Variants in MICAL1 observed in about 807,000 individuals in gnomAD.
The protein encoded by MICAL1 is [F-actin]-monooxygenase MICAL1.
In MICAL1, 95 loss-of-function variants were observed where a neutral mutation model predicts 131.8. The ratio of observed to expected loss-of-function variants is 0.72; its 90% CI spans 0.61 to 0.86. The LOEUF (loss-of-function observed/expected upper bound fraction) is 0.86, where lower values mean the gene tolerates loss of function less well. Ranked by LOEUF, MICAL1 falls within the 40% of genes least tolerant of loss-of-function variation. MICAL1 has a pLI of 0.00. For missense variants in MICAL1, 1,292 were observed against 1,380.6 expected (o/e 0.94, Z 1.02); for synonymous variants, 546 against 554.2 (o/e 0.99, Z 0.21).
intron 1 of MICAL1, among the ~76,000 whole-genome samples, 185 bp from the exon 2 acceptor site, chr6:109,454,424 A>C (rs1243154722): frequency 6.6e-6 from 1 of 152,146 alleles, no homozygotes; most frequent in Non-Finnish European, 1.5e-5. Context: ...AGTCCACTCC[A>C]AGTGAAATTT....
intron 24 of MICAL1, 51 bp downstream of exon 24, chr6:109,444,674 T>C: frequency 6.3e-7 from 1 of 1,595,202 alleles, no homozygotes. Context: ...ATCATGAGGC[T>C]TGCATGACAC....
At chr6:109,447,327 C>G in intron 16 of MICAL1, 30 bp downstream of exon 16, 1 of 1,613,584 alleles carries the variant, frequency 6.2e-7, no homozygotes, top group African/African-American at 1.3e-5. Context: ...CTCCCCGGGC[C>G]TCTGCCTGCA....
At chr6:109,455,822 G>C (rs1009841999), upstream of MICAL1, 3 of 985,328 alleles carry the variant, frequency 3.0e-6, no homozygotes, top group African/African-American at 1.7e-5. This position sits in a 1 kb window ranked among gnomAD's most constrained non-coding sequence, Gnocchi z 4.7. Context: ...CGCCGAGATC[G>C]GGCGGGGATG....
chr6:109,447,388 A>G lies in MICAL1; in HGVS notation c.2039T>C (p.Val680Ala). ...GTGTTGGGATGGGGGTGTCAGGGGTACACCAGGCTCTGGGTCAGGTGGCAC... is the reference window on the plus strand; with the variant it reads ...GTGTTGGGATGGGGGTGTCAGGGGTGCACCAGGCTCTGGGTCAGGTGGCAC... ...TEVPPDPEPG[V>A]PLTPPSQHQE... Residue 680 changes from valine to alanine, a missense_variant, in exon 16 of 25, where the codon GTA becomes GCA. Physicochemically the swap from Val to Ala is moderately conservative, Grantham distance 64. Transcript: ENST00000358807. 6.2e-7 allele frequency: 1 copy of G among 1,613,236 alleles called. No homozygotes were observed. Among genetic ancestry groups the G allele is most frequent in the Non-Finnish European group, 8.5e-7 (1 of 1,179,836 alleles).
chr6:109,444,660 T>G, intron 24 of MICAL1, 65 bp downstream of exon 24: 301 of 1,529,526 alleles, frequency 2.0e-4, no homozygotes, highest in Non-Finnish European at 2.4e-4. Context: ...GGTCAGTATC[T>G]GAGATCATGA....
chr6:109,464,476 T>A (rs981570724), intron 1 of MICAL1: 4 of 152,188 alleles, frequency 2.6e-5, no homozygotes, highest in African/African-American at 9.7e-5. Context: ...GTGCCCACCT[T>A]CTTTTCTCAA....
Position 109,449,895 on chromosome 6 carries a change from C to T in MICAL1, c.1307+75G>A, listed in dbSNP as rs1202530374. ...CTGCCTATTCCTCCGTCTATTCACT[C>T]AGCACCCCTGCCCCTCTTCCTGAAC... On this transcript the variant is annotated intron_variant, in intron 9 of 24. Transcript: ENST00000358807. 3.8e-6 allele frequency: 6 copies of T among 1,592,258 alleles called. No homozygotes were observed. In the Admixed American group the frequency reaches 1.0e-4, roughly 27 times the overall value.
At chr6:109,457,911 G>A (rs1232175607), upstream of MICAL1, among the ~76,000 whole-genome samples, 1 of 152,194 alleles carries the variant, frequency 6.6e-6, no homozygotes, top group Non-Finnish European at 1.5e-5. Context: ...GAATCCAGAA[G>A]GTCTGGTTGG....
chr6:109,450,505 G>C lies in MICAL1; in HGVS notation c.986C>G (p.Ala329Gly), dbSNP rs745716091. ...LLGSANVVPEALQRFTRAAAD... is the reference protein window; with the variant it reads ...LLGSANVVPEGLQRFTRAAAD... ...AGCTGCCCGGGTAAAGCGCTGCAGA[G>C]CCTCGGGCACCACATTGGCACTGCC... Residue 329 changes from alanine to glycine, a missense_variant, in exon 8 of 25, where the codon GCT (alanine) becomes GGT (glycine). Physicochemically the swap from Ala to Gly is moderately conservative, Grantham distance 60. Transcript: ENST00000358807. 32 of 1,612,858 alleles carry C rather than the reference G, an allele frequency of 2.0e-5. 2 individuals carry two copies. The South Asian group carries it at 3.4e-4, about 17-fold the overall frequency.
At position 109,454,048 on chromosome 6, in the gene MICAL1, T is replaced by C. The variant is rs1775651449; in HGVS notation, c.149A>G (p.Lys50Arg). ...CCAGTAGTTGAGCTGGTCCTTGATC[T>C]TGTGGTACTGGGGCAGCCCCCCACC... ...EPGGGLPQYHKIKDQLNYWSA... is the reference protein window; with the variant it reads ...EPGGGLPQYHRIKDQLNYWSA... The change falls in exon 2 of 25, where the codon AAG becomes AGG. Residue 50 changes from lysine (K) to arginine (R), a missense_variant. Lys to Arg is a conservative substitution (Grantham distance 26, BLOSUM62 2). Transcript: ENST00000358807. The C allele has an allele frequency of 1.2e-6, 2 of 1,614,040 alleles. No individual in the cohort carries two copies. The highest frequency in any genetic ancestry group is 1.7e-6 in the Non-Finnish European group (2 of 1,180,038).
rs1317264757 is a variant in MICAL1, at chr6:109,449,673, G to A, written c.1418C>T (p.Ala473Val). The change falls in exon 10 of 25, where the codon GCA becomes GTA. Residue 473 changes from alanine to valine, a missense_variant. Coordinates refer to ENST00000358807, the MANE Select transcript of MICAL1 (RefSeq NM_022765.4). Reference protein sequence around the residue: ...ATRYPNLNLRAVTPNQVRDLY... With the variant: ...ATRYPNLNLRVVTPNQVRDLY... The stretch of plus-strand genomic sequence containing the variant: ...GGGTCTGACCTGATTGGGGGTCACT[G>A]CCCGGAGGTTCAGGTTGGGGTAGCG... The A allele has an allele frequency of 6.3e-7, 1 of 1,582,296 alleles. No homozygotes were observed. The highest frequency in any genetic ancestry group is 1.3e-5 in the African/African-American group (1 of 74,374).
chr6:109,460,624 T>G (rs1302195617), upstream of MICAL1, among the ~76,000 whole-genome samples: 1 of 151,934 alleles, frequency 6.6e-6, no homozygotes, highest in African/African-American at 2.4e-5. Flanking sequence ...TATCACAACA[T>G]TCCAGCTTCT....
upstream of MICAL1, among the ~76,000 whole-genome samples, chr6:109,457,271 A>ATAGG (rs1328494236): frequency 1.3e-5 from 2 of 152,194 alleles, no homozygotes; most frequent in African/African-American, 4.8e-5. Context: ...GGCCCATCCT[A>ATAGG]GCTTTTGAGT....
chr6:109,452,794 G>T (rs545301144), intron 4 of MICAL1, among the ~76,000 whole-genome samples, 179 bp from the exon 5 acceptor site: 24 of 152,220 alleles, frequency 1.6e-4, no homozygotes, highest in Non-Finnish European at 3.4e-4. Flanking sequence ...GAGGAAGGAA[G>T]TGTTATTCTT....
intron 1 of MICAL1, among the ~76,000 whole-genome samples, chr6:109,461,347 C>G (rs1775884285): frequency 6.6e-6 from 1 of 152,028 alleles, no homozygotes; most frequent in South Asian, 2.1e-4. Flanking sequence ...ATTTTCTTAC[C>G]AATTAAGCTT....
chr6:109,448,444 C>G, intron 12 of MICAL1, 51 bp from the exon 13 acceptor site: 2 of 1,596,070 alleles, frequency 1.3e-6, no homozygotes, highest in Non-Finnish European at 1.7e-6. Flanking sequence ...CCTAGCCCCA[C>G]TGAGGGGAGG....
intron 8 of MICAL1, 92 bp downstream of exon 8, chr6:109,450,208 C>G (rs563953922): frequency 6.4e-7 from 1 of 1,563,896 alleles, no homozygotes; most frequent in African/African-American, 1.4e-5. Context: ...CTTAGCTCCT[C>G]CCCTCTGCAG....
rs746069686 is a variant in MICAL1 at position 109,465,638 on chromosome 6, T to C, written c.14+26A>G. On this transcript the variant is annotated intron_variant, in intron 1 of 24. Coordinates refer to the MICAL1 transcript ENST00000630715. The stretch of plus-strand genomic sequence containing the variant: ...TTAAAATGAAAACCATTCAATAATA[T>C]TGAAATGCTCAATACAAATCAGTAC... 38 of 1,546,334 alleles carry C rather than the reference T, an allele frequency of 2.5e-5. No homozygotes were observed. The South Asian group carries it at 4.2e-4, about 17-fold the overall frequency.
At chr6:109,448,497 A>G in intron 12 of MICAL1, 104 bp from the exon 13 acceptor site, 1 of 1,386,008 alleles carries the variant, frequency 7.2e-7, no homozygotes, top group Admixed American at 1.7e-5. Flanking sequence ...CAGCTGGGGT[A>G]CAAGAAGGCT....
Sources: gnomAD v4.1 joint callset for allele counts (sites outside exome capture counted in the v4.1 genomes callset) on GRCh38, gnomAD v4.1.1 for gene constraint, Gnocchi (gnomAD v3.1) non-coding constraint, MANE v1.5 for transcripts, NCBI Gene and HGNC (gene_info 2026-07-23, HGNC 2026-07-21) for gene names.